The following SH3RF3 variants were observed in gnomAD, a reference collection of about 807,000 sequenced individuals.
SH3RF3 encodes the protein E3 ubiquitin-protein ligase SH3RF3.
Under a neutral mutation model 66.3 loss-of-function variants are expected in SH3RF3, and 29 were observed. That is an observed-to-expected ratio of 0.44 (90% CI 0.33 to 0.60). SH3RF3 has a LOEUF of 0.60. Ranked by LOEUF, SH3RF3 falls within the 20% of genes least tolerant of loss-of-function variation. The pLI is 0.04. For synonymous variants in SH3RF3, 583 were observed against 532.0 expected (o/e 1.10, Z -1.32); for missense variants, 1,194 against 1,190.9 (o/e 1.00, Z -0.04).
At chr2:109,487,008 C>T (rs948844498) in intron 8 of SH3RF3, among the ~76,000 whole-genome samples, 2 of 152,272 alleles carry the variant, frequency 1.3e-5, no homozygotes, top group East Asian at 1.9e-4. Context: ...AGTGATCCCC[C>T]CAACAGAGAG....
chr2:109,245,745 C>A (rs1679900557), intron 1 of SH3RF3, among the ~76,000 whole-genome samples: 1 of 152,200 alleles, frequency 6.6e-6, no homozygotes, highest in Admixed American at 6.5e-5. Flanking sequence ...CATTCTAAGT[C>A]ATCATTTTTG....
rs570877462 is a variant in SH3RF3, at chr2:109,292,098, C to T, written c.574-55576C>T. ...CAGGATGGTCTCGATCTCCTGACCT[C>T]GTGATCTGCCCGCCTCAGCCTCCCA... is the stretch of plus-strand genomic sequence containing the variant. On this transcript the variant is annotated intron_variant, in intron 1 of 9. Coordinates refer to ENST00000309415, the MANE Select transcript of SH3RF3 (RefSeq NM_001099289.3). 4.9e-3 allele frequency among the ~76,000 whole-genome samples: 743 copies of T among 152,288 alleles called. 4 individuals carry two copies. Among genetic ancestry groups the T allele is most frequent in the African/African-American group, 0.017 (714 of 41,564 alleles).
intron 1 of SH3RF3, among the ~76,000 whole-genome samples, chr2:109,247,951 G>A (rs1399576034): frequency 6.6e-6 from 1 of 152,088 alleles, no homozygotes; most frequent in East Asian, 1.9e-4. Flanking sequence ...ACGTGCAAGC[G>A]CTTTTTAAAC....
intron 1 of SH3RF3, among the ~76,000 whole-genome samples, chr2:109,261,834 G>A (rs1680362515): frequency 6.6e-6 from 1 of 152,188 alleles, no homozygotes; most frequent in Non-Finnish European, 1.5e-5. Context: ...TTCACTTATA[G>A]TAGGGAAACT....
intron 1 of SH3RF3, among the ~76,000 whole-genome samples, chr2:109,320,363 G>C (rs962231565): frequency 3.9e-5 from 6 of 152,156 alleles, no homozygotes; most frequent in Non-Finnish European, 7.3e-5. Flanking sequence ...AAGCCCACCT[G>C]AGCAGCAGGT....
intron 7 of SH3RF3, among the ~76,000 whole-genome samples, chr2:109,447,408 T>C (rs1035206221): frequency 1.6e-4 from 24 of 152,226 alleles, no homozygotes; most frequent in African/African-American, 5.3e-4. Flanking sequence ...GATTAACGAG[T>C]GCATAGTTGG....
At chr2:109,213,852 G>A (rs1353041191) in intron 1 of SH3RF3, among the ~76,000 whole-genome samples, 2 of 152,196 alleles carry the variant, frequency 1.3e-5, no homozygotes, top group African/African-American at 2.4e-5. Context: ...CCCGTGGGTC[G>A]TTCTGAGGTC....
At chr2:109,207,124 A>G (rs1678859552) in intron 1 of SH3RF3, among the ~76,000 whole-genome samples, 1 of 152,194 alleles carries the variant, frequency 6.6e-6, no homozygotes, top group Non-Finnish European at 1.5e-5. Context: ...TGTGTGCTGT[A>G]GAGGATGATA....
Position 109,436,422 on chromosome 2 carries a change from G to A in SH3RF3, c.1575-471G>A, listed in dbSNP as rs920150244. 7.9e-5 allele frequency among the ~76,000 whole-genome samples: 12 copies of A among 152,172 alleles called. No homozygotes were observed. The South Asian group carries it at 8.3e-4, about 11-fold the overall frequency. On this transcript the variant is annotated intron_variant, in intron 6 of 9. Transcript: ENST00000309415. The stretch of plus-strand genomic sequence containing the variant: ...TCCCAGACATTCTCAGAAGGATGTC[G>A]TGCTGTGTGTGCCCTTTCCCAGCAG...
chr2:109,284,470 G>A (rs1680977068), intron 1 of SH3RF3, among the ~76,000 whole-genome samples: 1 of 152,138 alleles, frequency 6.6e-6, no homozygotes, highest in African/African-American at 2.4e-5. Context: ...CATGCAGAAG[G>A]GGACACACCC....
At chr2:109,306,387 A>AT (rs1681598488) in intron 1 of SH3RF3, among the ~76,000 whole-genome samples, 1 of 152,174 alleles carries the variant, frequency 6.6e-6, no homozygotes, top group Non-Finnish European at 1.5e-5. Flanking sequence ...GTGCTTGGAG[A>AT]TTCCTCCTGG....
At chr2:109,178,423 T>A (rs1677980802) in intron 1 of SH3RF3, among the ~76,000 whole-genome samples, 1 of 152,180 alleles carries the variant, frequency 6.6e-6, no homozygotes, top group Non-Finnish European at 1.5e-5. Flanking sequence ...CTTTTTTTTA[T>A]TGTTTTGTGA....
intron 9 of SH3RF3, among the ~76,000 whole-genome samples, chr2:109,500,255 G>A (rs554196953): frequency 1.7e-4 from 26 of 152,140 alleles, no homozygotes; most frequent in Non-Finnish European, 3.2e-4. Context: ...CCAAGAAGAG[G>A]GCTCAGAGGA....
intron 1 of SH3RF3, among the ~76,000 whole-genome samples, chr2:109,210,417 A>G (rs1232626727): frequency 6.6e-6 from 1 of 152,252 alleles, no homozygotes; most frequent in Non-Finnish European, 1.5e-5. Context: ...GTCTGTAGGC[A>G]TTGAGCACAG....
intron 9 of SH3RF3, among the ~76,000 whole-genome samples, chr2:109,498,371 C>T (rs1407736992): frequency 6.6e-6 from 1 of 152,186 alleles, no homozygotes; most frequent in Non-Finnish European, 1.5e-5. Context: ...ATGCCTCCTC[C>T]TCTTGCCAGC....
At chr2:109,241,220 G>A (rs1009737314) in intron 1 of SH3RF3, among the ~76,000 whole-genome samples, 4 of 149,582 alleles carry the variant, frequency 2.7e-5, no homozygotes, top group African/African-American at 1.0e-4. Flanking sequence ...AAAGCAGTTT[G>A]TTTGTCTCTT....
chr2:109,151,609 C>G (rs1228683390), intron 1 of SH3RF3, among the ~76,000 whole-genome samples: 1 of 152,252 alleles, frequency 6.6e-6, no homozygotes, highest in Non-Finnish European at 1.5e-5. Context: ...ATCCTTTCAT[C>G]CATGCTGAGC....
At chr2:109,214,458 GAGTCATAGAAAAGAGAAAAAAAAAAAA>G (rs1468381520) in intron 1 of SH3RF3, among the ~76,000 whole-genome samples, 1 of 146,650 alleles carries the variant, frequency 6.8e-6, no homozygotes, top group Admixed American at 6.8e-5. Flanking sequence ...TAAAAAAAAA[GAGTCATAGAAAAGAGAAAAAAAAAAAA>G]AGGAGTGGAG....
intron 1 of SH3RF3, among the ~76,000 whole-genome samples, chr2:109,229,025 A>C (rs970481581): frequency 6.6e-6 from 1 of 152,154 alleles, no homozygotes; most frequent in Admixed American, 6.5e-5. Flanking sequence ...CAGCACAGAA[A>C]AAAGGTTTCC....
Sources: allele counts gnomAD v4.1 joint callset (sites outside exome capture counted in the v4.1 genomes callset), GRCh38; gene constraint gnomAD v4.1.1; transcripts MANE v1.5; gene names NCBI Gene and HGNC (gene_info 2026-07-23, HGNC 2026-07-21).